Variants in MGME1 observed in about 807,000 individuals in gnomAD.
MGME1 encodes the protein chromosome 20 open reading frame 72.
Under a neutral mutation model 33.0 loss-of-function variants are expected in MGME1, and 22 were observed. The observed-to-expected ratio is 0.67, with a 90% CI of 0.48 to 0.95. The LOEUF (loss-of-function observed/expected upper bound fraction) is 0.95. MGME1 is among the 40% of genes least tolerant of loss of function. The probability of loss-of-function intolerance (pLI) is 0.00; values close to 1 mark genes in which losing one functional copy is unlikely to be tolerated. For synonymous variants in MGME1, 133 were observed against 144.0 expected (o/e 0.92, Z 0.55); for missense variants, 383 against 397.8 (o/e 0.96, Z 0.32).
At chr20:17,986,260 G>C (rs757250266) in intron 3 of MGME1, among the ~76,000 whole-genome samples, 10 of 152,060 alleles carry the variant, frequency 6.6e-5, no homozygotes, top group Non-Finnish European at 1.0e-4. Flanking sequence ...GTAGAGACGA[G>C]GTTTCACCAT....
upstream of MGME1, chr20:17,968,639 G>A (rs960757641): frequency 3.2e-6 from 2 of 616,334 alleles, no homozygotes; most frequent in African/African-American, 1.9e-5. Context: ...CCCCAGAGCA[G>A]CCTCCCAGTC....
intron 2 of MGME1, among the ~76,000 whole-genome samples, chr20:17,974,451 T>G (rs2035809266): frequency 6.6e-6 from 1 of 151,776 alleles, no homozygotes; most frequent in African/African-American, 2.4e-5. Context: ...GAGGAGAGAG[T>G]TCAAAAATCA....
intron 3 of MGME1, among the ~76,000 whole-genome samples, chr20:17,982,165 G>A (rs1372766911): frequency 1.3e-5 from 2 of 151,994 alleles, no homozygotes; most frequent in Non-Finnish European, 2.9e-5. Context: ...TTTCACCCTT[G>A]TTGCCCAGGC....
At chr20:17,972,191 C>G (rs928538335) in intron 2 of MGME1, among the ~76,000 whole-genome samples, 11 of 151,982 alleles carry the variant, frequency 7.2e-5, no homozygotes, top group African/African-American at 2.7e-4. Flanking sequence ...GAAGGTGGCA[C>G]CCAAGAAGAA....
rs750600171 is a variant in MGME1 at position 17,975,712 on chromosome 20, C to G, written c.540C>G (p.His180Gln). 12 of 1,613,676 alleles carry G rather than the reference C, an allele frequency of 7.4e-6. No homozygotes were observed. Among genetic ancestry groups the G allele is most frequent in the Non-Finnish European group, 1.0e-5 (12 of 1,179,834 alleles). ...SNVFLQGKRF[H>Q]EALESILSPQ... Reference sequence around the variant, plus strand: ...TCTTTTTACAAGGGAAACGGTTCCACGAAGCCTTGGAAAGCATACTTTCAC... The same window carrying G: ...TCTTTTTACAAGGGAAACGGTTCCAGGAAGCCTTGGAAAGCATACTTTCAC... Residue 180 changes from histidine to glutamine, a missense_variant, in exon 3 of 5, where the codon CAC becomes CAG. His to Gln is a conservative substitution (Grantham distance 24). Coordinates refer to ENST00000377710, the MANE Select transcript of MGME1 (RefSeq NM_052865.4).
At chr20:17,968,716 G>T (rs933755956), upstream of MGME1, 57 of 435,836 alleles carry the variant, frequency 1.3e-4, 1 homozygote, top group Admixed American at 1.2e-3. Flanking sequence ...TCCGCTCCAC[G>T]AGGAGGCCGC....
chr20:17,975,735 C>G lies in MGME1; in HGVS notation c.563C>G (p.Ser188Ter), dbSNP rs2035849257. 1 of 1,613,824 alleles carries G rather than the reference C, an allele frequency of 6.2e-7. No homozygotes were observed. The highest frequency in any genetic ancestry group is 1.3e-5 in the African/African-American group (1 of 74,846). The change falls in exon 3 of 5, where the codon TCA becomes TGA. Residue 188 changes from serine (S) to a stop codon, truncating the protein, a stop_gained. Transcript: ENST00000377710. LOFTEE classifies it high-confidence loss of function. ...CACGAAGCCTTGGAAAGCATACTTT[C>G]ACCCCAGGAAACCTTAAAAGAGAGA... ...RFHEALESILSPQETLKERDE... is the reference protein window; with the variant it reads ...RFHEALESIL
chr20:17,972,190 A>G (rs980430850), intron 2 of MGME1, among the ~76,000 whole-genome samples: 4 of 152,204 alleles, frequency 2.6e-5, no homozygotes, highest in African/African-American at 4.8e-5. Context: ...AGAAGGTGGC[A>G]CCCAAGAAGA....
chr20:17,978,934 G>A (rs1458886780), intron 3 of MGME1, among the ~76,000 whole-genome samples: 2 of 151,826 alleles, frequency 1.3e-5, no homozygotes, highest in East Asian at 1.9e-4. Flanking sequence ...CCACCACCAC[G>A]CCTGGCTAAT....
chr20:17,975,561 A>G (rs1369450240), intron 2 of MGME1, 123 bp from the exon 3 acceptor site: 3 of 780,282 alleles, frequency 3.8e-6, no homozygotes, highest in African/African-American at 3.5e-5. Flanking sequence ...ATCCAAAAAA[A>G]AAAAAAAGAA....
At chr20:17,981,211 T>TA (rs1365016136) in intron 3 of MGME1, among the ~76,000 whole-genome samples, 1 of 152,160 alleles carries the variant, frequency 6.6e-6, no homozygotes, top group Non-Finnish European at 1.5e-5. Flanking sequence ...AGGCAGCACT[T>TA]ATGTATGATT....
intron 3 of MGME1, among the ~76,000 whole-genome samples, chr20:17,983,645 A>G (rs1253180932): frequency 6.6e-6 from 1 of 152,192 alleles, no homozygotes; most frequent in African/African-American, 2.4e-5. Context: ...TCTAACAGGC[A>G]TGAGGTAATA....
intron 1 of MGME1, 57 bp from the exon 2 acceptor site, chr20:17,969,744 A>G (rs1485307727): frequency 7.6e-6 from 8 of 1,057,704 alleles, no homozygotes; most frequent in Non-Finnish European, 1.1e-5. Flanking sequence ...CACAATTTTG[A>G]TGTGCAATAT....
At position 17,990,418 on chromosome 20, in the gene MGME1, G is replaced by C. The variant is rs545584314; in HGVS notation, c.*309G>C. On this transcript the variant is annotated 3_prime_UTR_variant, in exon 5 of 5. Coordinates refer to ENST00000377710, the MANE Select transcript of MGME1 (RefSeq NM_052865.4). ...ACTCCCTTGAGGGACATTGGGGGGG[G>C]GGGGGCGTGGTCCCAGGCAGGATGC... The C allele has an allele frequency of 2.1e-5, 7 of 334,464 alleles. No homozygotes were observed. The highest frequency in any genetic ancestry group is 9.4e-5 in the Admixed American group (2 of 21,264). The allele number at this position is 334,464 out of a possible 1,614,324, so 20.7% of individuals were successfully genotyped here. A position where few individuals can be genotyped will look rare whatever the true frequency, so the allele number is the denominator to read the frequency against.
At chr20:17,975,949 G>T (rs1173387589) in intron 3 of MGME1, 46 bp downstream of exon 3, 6 of 1,459,246 alleles carry the variant, frequency 4.1e-6, no homozygotes, top group Middle Eastern at 2.1e-4. Flanking sequence ...AGGACAGATG[G>T]TGCCTGTCAA....
rs1377091659 is a variant in MGME1 at position 17,975,718 on chromosome 20, C to T, written c.546C>T (p.Ala182=). ...TACAAGGGAAACGGTTCCACGAAGC[C>T]TTGGAAAGCATACTTTCACCCCAGG... ...VFLQGKRFHE[A]LESILSPQET... is the part of the protein sequence containing the mutation. The change falls in exon 3 of 5, where the codon GCC becomes GCT. Residue 182 remains alanine, a synonymous_variant. Coordinates refer to ENST00000377710, the MANE Select transcript of MGME1 (RefSeq NM_052865.4). 2 of 1,613,964 alleles carry T rather than the reference C, an allele frequency of 1.2e-6. No individual in the cohort carries two copies. Among genetic ancestry groups the T allele is most frequent in the Admixed American group, 1.7e-5 (1 of 59,992 alleles).
intron 4 of MGME1, among the ~76,000 whole-genome samples, chr20:17,988,702 G>A (rs1212403241): frequency 1.6e-5 from 2 of 125,850 alleles, no homozygotes; most frequent in Admixed American, 7.9e-5. Context: ...GAGAAAAATT[G>A]TAAAAAAAAA....
chr20:17,989,049 A>G lies in MGME1; in HGVS notation c.864+751A>G, dbSNP rs138017965. On this transcript the variant is annotated intron_variant, in intron 4 of 4. Transcript: ENST00000377710. ...GGTTCCAGTGAGCCGAGATTGTACC[A>G]CTGCACTCTAGCCTGGCCGACAGAG... Among the ~76,000 whole-genome samples the G allele has an allele frequency of 8.6e-3, 1,300 of 151,932 alleles. 14 individuals are homozygous for G. The highest frequency in any genetic ancestry group is 0.029 in the African/African-American group (1,221 of 41,446).
intron 3 of MGME1, among the ~76,000 whole-genome samples, chr20:17,980,924 T>C (rs947425545): frequency 7.5e-5 from 6 of 79,900 alleles, no homozygotes; most frequent in Middle Eastern, 5.2e-3. Flanking sequence ...TGCTTAAAAC[T>C]TTTTTTTTCC....
Sources: allele counts gnomAD v4.1 joint callset (sites outside exome capture counted in the v4.1 genomes callset), GRCh38; gene constraint gnomAD v4.1.1; transcripts MANE v1.5; gene names NCBI Gene and HGNC (gene_info 2026-07-23, HGNC 2026-07-21).